Variants in MSRA observed in about 807,000 individuals in gnomAD.
MSRA encodes methionine sulfoxide reductase A, also known as mitochondrial peptide methionine sulfoxide reductase.
In MSRA, 54 loss-of-function variants were observed where a neutral mutation model predicts 31.3. The ratio of observed to expected loss-of-function variants is 1.73; its 90% CI spans 1.39 to 2.17. The LOEUF is 2.17. Ranked by LOEUF, MSRA falls within the 30% of genes most tolerant of loss-of-function variation. The probability of loss-of-function intolerance (pLI) is 0.00; values close to 1 mark genes in which losing one functional copy is unlikely to be tolerated. For missense variants in MSRA, 507 were observed against 300.9 expected (o/e 1.69, Z -5.07); for synonymous variants, 169 against 116.5 (o/e 1.45, Z -2.90).
Position 10,319,843 on chromosome 8 carries a change from C to T in MSRA, c.437-40C>T, listed in dbSNP as rs367847894. 3 of 1,308,652 alleles carry T rather than the reference C, an allele frequency of 2.3e-6. No homozygotes were observed. The South Asian group carries it at 5.4e-5, about 24-fold the overall frequency. The allele number at this position is 1,308,652 out of a possible 1,614,324, so 81.1% of individuals were successfully genotyped here. On this transcript the variant is annotated intron_variant, in intron 4 of 5. Transcript: ENST00000317173. ...CCCAGTTTGAGACTGGCACTGTCGC[C>T]TAGTGACCGGGTAACCCTCCCTGTT...
chr8:10,306,414 T>A (rs1032761275), intron 4 of MSRA, among the ~76,000 whole-genome samples: 1 of 152,220 alleles, frequency 6.6e-6, no homozygotes, highest in Non-Finnish European at 1.5e-5. Flanking sequence ...ATTTTACATT[T>A]ATTCTTACAT....
At chr8:10,204,715 G>GTATA (rs1808792239) in intron 1 of MSRA, among the ~76,000 whole-genome samples, 1 of 152,188 alleles carries the variant, frequency 6.6e-6, no homozygotes, top group Admixed American at 6.5e-5. Context: ...ATGCATAACT[G>GTATA]TATATATGTA....
At chr8:10,372,006 C>T (rs1051056461) in intron 5 of MSRA, among the ~76,000 whole-genome samples, 59 of 151,864 alleles carry the variant, frequency 3.9e-4, no homozygotes, top group African/African-American at 1.4e-3. Context: ...GATCAAAGAG[C>T]CCCAGGCAGA....
At chr8:10,370,476 A>G (rs776316105) in intron 5 of MSRA, among the ~76,000 whole-genome samples, 2 of 152,234 alleles carry the variant, frequency 1.3e-5, no homozygotes, top group African/African-American at 4.8e-5. Context: ...CACACAAACT[A>G]TGAAATCTAC....
chr8:10,238,696 C>G (rs2975724), intron 2 of MSRA, among the ~76,000 whole-genome samples: 2 of 152,126 alleles, frequency 1.3e-5, no homozygotes, highest in Admixed American at 6.5e-5. Flanking sequence ...ATTTGGGATT[C>G]TTGGTTATGA....
intron 5 of MSRA, among the ~76,000 whole-genome samples, chr8:10,404,167 C>T (rs538511592): frequency 1.1e-4 from 17 of 152,246 alleles, no homozygotes; most frequent in Non-Finnish European, 1.8e-4. Context: ...CCCTGGTCCA[C>T]GTGGAGAGGT....
At chr8:10,156,032 G>A (rs954873017) in intron 1 of MSRA, among the ~76,000 whole-genome samples, 4 of 152,110 alleles carry the variant, frequency 2.6e-5, no homozygotes, top group African/African-American at 9.7e-5. Flanking sequence ...CACTAATGGT[G>A]GGAGTCCTGA....
chr8:10,421,143 A>T (rs1302019848), intron 5 of MSRA, among the ~76,000 whole-genome samples: 1 of 152,066 alleles, frequency 6.6e-6, no homozygotes, highest in Non-Finnish European at 1.5e-5. Context: ...GTATTTTATA[A>T]CCTACTGGGC....
intron 2 of MSRA, among the ~76,000 whole-genome samples, chr8:10,241,233 A>C (rs1417934757): frequency 6.6e-6 from 1 of 152,008 alleles, no homozygotes. Flanking sequence ...CTTCTTGGTG[A>C]AATGGTCGAT....
intron 1 of MSRA, among the ~76,000 whole-genome samples, chr8:10,198,434 A>G (rs573861887): frequency 1.3e-5 from 2 of 152,250 alleles, no homozygotes; most frequent in African/African-American, 4.8e-5. Context: ...ATAATACTGT[A>G]TCTTAGAACT....
intron 1 of MSRA, among the ~76,000 whole-genome samples, chr8:10,143,846 CCTTATT>C (rs1802911423): frequency 6.6e-6 from 1 of 152,200 alleles, no homozygotes; most frequent in Non-Finnish European, 1.5e-5. Flanking sequence ...CTTCCTCAAA[CCTTATT>C]CTTATTCTTG....
rs182357739 is a variant in MSRA at position 10,156,170 on chromosome 8, C to A, written c.143-51663C>A. Among the ~76,000 whole-genome samples the A allele has an allele frequency of 3.0e-3, 456 of 152,294 alleles. 4 individuals carry two copies. The highest frequency in any genetic ancestry group is 0.01 in the African/African-American group (434 of 41,568). The stretch of plus-strand genomic sequence containing the variant: ...GATTAGGGAGACCAAGCAGAAATAA[C>A]AGCCAATTGCAGTGAATGAAACTTG... On this transcript the variant is annotated intron_variant, in intron 1 of 5. Coordinates refer to ENST00000317173, the MANE Select transcript of MSRA (RefSeq NM_012331.5).
At chr8:10,296,201 A>AGAAT (rs1800532665) in intron 3 of MSRA, among the ~76,000 whole-genome samples, 1 of 152,216 alleles carries the variant, frequency 6.6e-6, no homozygotes, top group Non-Finnish European at 1.5e-5. Flanking sequence ...GAATGAATGA[A>AGAAT]GAATGAATGA....
chr8:10,331,684 T>C (rs1313639461), intron 5 of MSRA, among the ~76,000 whole-genome samples: 1 of 152,198 alleles, frequency 6.6e-6, no homozygotes, highest in East Asian at 1.9e-4. Context: ...TGGGGATTGC[T>C]TCCAGGACCC....
intron 1 of MSRA, among the ~76,000 whole-genome samples, chr8:10,134,431 G>A (rs913902261): frequency 3.3e-5 from 5 of 152,304 alleles, no homozygotes; most frequent in African/African-American, 7.2e-5. Flanking sequence ...TAGCTGCTTC[G>A]CAATGGGGGT....
intron 1 of MSRA, among the ~76,000 whole-genome samples, chr8:10,188,537 C>G (rs560717218): frequency 6.6e-6 from 1 of 152,282 alleles, no homozygotes; most frequent in South Asian, 2.1e-4. Flanking sequence ...AGGTTGTGAG[C>G]ACTTTCACAT....
At position 10,114,146 on chromosome 8, in the gene MSRA, A is replaced by G. The variant is rs1800501764; in HGVS notation, c.142+59488A>G. Reference sequence around the variant, plus strand: ...ATGTTGCAGCATGTATCAGTATTCCATTCCTTTTATGGCTGAATAATAATC... The same window carrying G: ...ATGTTGCAGCATGTATCAGTATTCCGTTCCTTTTATGGCTGAATAATAATC... On this transcript the variant is annotated intron_variant, in intron 1 of 5. Coordinates refer to ENST00000317173, the MANE Select transcript of MSRA (RefSeq NM_012331.5). Among the ~76,000 whole-genome samples, 2 of 152,146 alleles carry G rather than the reference A, an allele frequency of 1.3e-5. 1 individual carries two copies.
intron 1 of MSRA, among the ~76,000 whole-genome samples, chr8:10,196,920 C>A (rs546174997): frequency 1.3e-5 from 2 of 152,034 alleles, no homozygotes; most frequent in East Asian, 3.9e-4. Context: ...TTGTATATGA[C>A]TCTTTATAGA....
chr8:10,371,367 C>G (rs1805465425), intron 5 of MSRA, among the ~76,000 whole-genome samples: 1 of 152,036 alleles, frequency 6.6e-6, no homozygotes, highest in Non-Finnish European at 1.5e-5. Flanking sequence ...AGTCCCCAAA[C>G]CTGTGCCGGC....
Sources: gnomAD v4.1 joint callset for allele counts (sites outside exome capture counted in the v4.1 genomes callset) on GRCh38, gnomAD v4.1.1 for gene constraint, MANE v1.5 for transcripts, NCBI Gene and HGNC (gene_info 2026-07-23, HGNC 2026-07-21) for gene names.